Variants in ATP1A4 observed in about 807,000 individuals in gnomAD.
The protein encoded by ATP1A4 is ATPase Na+/K+ transporting subunit alpha 4.
A neutral mutation model predicts 114.3 loss-of-function variants in ATP1A4; 90 were observed. That is an observed-to-expected ratio of 0.79 (90% CI 0.66 to 0.94). The LOEUF is 0.94. ATP1A4 is among the 40% of genes least tolerant of loss of function. ATP1A4 has a pLI of 0.00. For missense variants in ATP1A4, 1,222 were observed against 1,313.6 expected (o/e 0.93, Z 1.08); for synonymous variants, 511 against 494.1 (o/e 1.03, Z -0.45).
chr1:160,168,687 A>G (rs1411929147), intron 10 of ATP1A4, among the ~76,000 whole-genome samples: 1 of 152,148 alleles, frequency 6.6e-6, no homozygotes, highest in African/African-American at 2.4e-5. Flanking sequence ...CCTGGCCTCT[A>G]TATAAATTTT....
In ATP1A4 at chr1:160,171,708, G is replaced by A. The variant is rs766792873; in HGVS notation, c.1805G>A (p.Arg602Gln). ...VGLISMIDPP[R>Q]AAVPDAVSKC... ...CTCATATCCATGATTGACCCTCCCC[G>A]AGCTGCAGTGCCTGATGCTGTGAGC... The change falls in exon 12 of 22, where the codon CGA becomes CAA. Residue 602 changes from arginine (R) to glutamine (Q), a missense_variant. By Grantham distance (43) the Arg-to-Gln change is conservative. Coordinates refer to ENST00000368081, the MANE Select transcript of ATP1A4 (RefSeq NM_144699.4). 29 of 1,614,116 alleles carry A rather than the reference G, an allele frequency of 1.8e-5. No individual in the cohort carries two copies. The highest frequency in any genetic ancestry group is 1.6e-4 in the Middle Eastern group (1 of 6,062).
At chr1:160,159,604 G>T in intron 6 of ATP1A4, 78 bp downstream of exon 6, 1 of 1,293,988 alleles carries the variant, frequency 7.7e-7, no homozygotes, top group Admixed American at 2.1e-5. Context: ...GTCTTCTAAA[G>T]GTAGCGAGGT....
chr1:160,182,038 A>G lies in ATP1A4; in HGVS notation c.2969+7A>G. The G allele has an allele frequency of 6.2e-7, 1 of 1,609,226 alleles. No individual in the cohort carries two copies. The highest frequency in any genetic ancestry group is 2.2e-5 in the East Asian group (1 of 44,856). On this transcript the variant is annotated splice_region_variant and intron_variant, in intron 20 of 21. Coordinates refer to ENST00000368081, the MANE Select transcript of ATP1A4 (RefSeq NM_144699.4). ...TGCGAATGTACCCACTCAAGTGAGT[A>G]AGGGAAGGGATGCAAGCAGGGGATG...
chr1:160,170,896 T>C (rs778364598), intron 10 of ATP1A4: 30 of 182,012 alleles, frequency 1.6e-4, no homozygotes, highest in Non-Finnish European at 2.1e-4. Flanking sequence ...TCCGACTCTT[T>C]TTCTTTCCTG....
At position 160,174,547 on chromosome 1, in the gene ATP1A4, A is replaced by G. The variant is rs1477034179; in HGVS notation, c.2143-32A>G. The stretch of plus-strand genomic sequence containing the variant: ...ACTAGTTCTGGATCTGATGCAATAA[A>G]TTGTTCACTCTCTCTGTCTGGACTT... On this transcript the variant is annotated intron_variant, in intron 14 of 21. Coordinates refer to ENST00000368081, the MANE Select transcript of ATP1A4 (RefSeq NM_144699.4). The G allele has an allele frequency of 1.9e-6, 3 of 1,603,018 alleles. No individual in the cohort carries two copies. The Admixed American group carries it at 5.0e-5, about 27-fold the overall frequency.
chr1:160,168,186 T>C (rs969422197), intron 10 of ATP1A4, among the ~76,000 whole-genome samples: 3 of 152,024 alleles, frequency 2.0e-5, no homozygotes, highest in African/African-American at 4.8e-5. Context: ...AAGGTTATGG[T>C]AGGATGCAGG....
At chr1:160,177,771 A>C in intron 18 of ATP1A4, 107 bp downstream of exon 18, 2 of 1,283,378 alleles carry the variant, frequency 1.6e-6, no homozygotes, top group Middle Eastern at 2.1e-4. Flanking sequence ...GCACCACACA[A>C]ACAGAGCTGA....
At chr1:160,168,254 A>C (rs1653111443) in intron 10 of ATP1A4, among the ~76,000 whole-genome samples, 1 of 152,164 alleles carries the variant, frequency 6.6e-6, no homozygotes, top group Non-Finnish European at 1.5e-5. Context: ...TCCACGGGGC[A>C]ATCATGATTT....
chr1:160,159,047 C>T lies in ATP1A4; in HGVS notation c.571C>T (p.Gln191Ter). 6.2e-7 allele frequency: 1 copy of T among 1,613,962 alleles called. No individual in the cohort carries two copies. Residue 191 changes from glutamine (Q) to a stop codon, truncating the protein, a stop_gained, in exon 5 of 22, where the codon CAA (glutamine) becomes TAA (stop). Transcript: ENST00000368081. LOFTEE classifies it high-confidence loss of function. ...RGGEKMQINVQEVVLGDLVEI... is the reference protein window; with the variant it reads ...RGGEKMQINV ...AGGAGAGAAGATGCAAATTAATGTA[C>T]AAGAGGTGGTGTTGGGAGACCTGGT...
rs111831503 is a variant in ATP1A4, at chr1:160,175,559, A to G, written c.2312-533A>G. Among the ~76,000 whole-genome samples, 1,470 of 152,028 alleles carry G rather than the reference A, an allele frequency of 9.7e-3. 28 individuals carry two copies. Among genetic ancestry groups the G allele is most frequent in the African/African-American group, 0.033 (1,367 of 41,464 alleles). On this transcript the variant is annotated intron_variant, in intron 15 of 21. Coordinates refer to ENST00000368081, the MANE Select transcript of ATP1A4 (RefSeq NM_144699.4). ...ACAAACAATAAAATAATTAAATTAT[A>G]TAGTATGTTAAAAGAAGATAAGTGC...
chr1:160,167,508 A>T, intron 10 of ATP1A4, 96 bp downstream of exon 10: 2 of 1,512,106 alleles, frequency 1.3e-6, no homozygotes, highest in African/African-American at 1.4e-5. Flanking sequence ...TTCACCTCGG[A>T]GAAGCAGAGG....
chr1:160,159,987 G>A (rs1264209841), intron 6 of ATP1A4, among the ~76,000 whole-genome samples: 2 of 152,154 alleles, frequency 1.3e-5, no homozygotes, highest in Non-Finnish European at 1.5e-5. Flanking sequence ...TACCAGAGGT[G>A]CCACTTAGAC....
chr1:160,181,598 G>A (rs1653704505), intron 18 of ATP1A4, 86 bp from the exon 19 acceptor site: 1 of 1,475,892 alleles, frequency 6.8e-7, no homozygotes, highest in South Asian at 1.3e-5. Context: ...TCAGCCCAGG[G>A]GTCCTGGAAG....
chr1:160,167,331 G>A lies in ATP1A4; in HGVS notation c.1410G>A (p.Gln470=). The A allele has an allele frequency of 6.2e-7, 1 of 1,611,274 alleles. No homozygotes were observed. The highest frequency in any genetic ancestry group is 8.5e-7 in the Non-Finnish European group (1 of 1,179,384). ...CAGCCCTCCTCAAGTTCATCGAGCA[G>A]TCTTACAGCTCTGTGGCGGAGATGA... The part of the protein sequence containing the change: ...SESALLKFIE[Q]SYSSVAEMRE... Residue 470 remains glutamine (Q), a synonymous_variant, in exon 10 of 22, where the codon CAG becomes CAA. Transcript: ENST00000368081.
intron 12 of ATP1A4, among the ~76,000 whole-genome samples, chr1:160,173,075 G>A (rs1359909939): frequency 9.2e-5 from 14 of 152,100 alleles, no homozygotes; most frequent in Admixed American, 9.2e-4. Context: ...ATTCATCTTT[G>A]GGTAGAAATG....
At chr1:160,154,399 A>T (rs1652562448) in intron 2 of ATP1A4, among the ~76,000 whole-genome samples, 1 of 152,166 alleles carries the variant, frequency 6.6e-6, no homozygotes, top group Admixed American at 6.5e-5. Flanking sequence ...ATGTAGATGT[A>T]CATATTTATG....
At chr1:160,178,346 ACT>A (rs1441895901) in intron 18 of ATP1A4, among the ~76,000 whole-genome samples, 1 of 144,434 alleles carries the variant, frequency 6.9e-6, no homozygotes, top group African/African-American at 2.7e-5. Context: ...CAAGAGTAAA[ACT>A]CTGTCTCAAA....
rs1203986716 is a variant in ATP1A4, at chr1:160,176,114, G to A, written c.2334G>A (p.Leu778=). The A allele has an allele frequency of 6.2e-7, 1 of 1,614,092 alleles. No homozygotes were observed. The highest frequency in any genetic ancestry group is 1.1e-5 in the South Asian group (1 of 91,076). ...VEEGRLIFDN[L]KKSIMYTLTS... is the part of the protein sequence containing the mutation. ...CAGGCCGCCTGATCTTTGACAACCT[G>A]AAGAAATCCATCATGTACACCCTGA... Residue 778 remains leucine (L), a synonymous_variant, in exon 16 of 22, where the codon CTG becomes CTA. Transcript: ENST00000368081.
At position 160,174,164 on chromosome 1, in the gene ATP1A4, A is replaced by C. The variant is rs748534543; in HGVS notation, c.2045A>C (p.Lys682Thr). The change falls in exon 14 of 22, where the codon AAG (lysine) becomes ACG (threonine). Residue 682 changes from lysine (K) to threonine (T), a missense_variant. Physicochemically the swap from Lys to Thr is moderately conservative, Grantham distance 78 (BLOSUM62 -1). Coordinates refer to ENST00000368081, the MANE Select transcript of ATP1A4 (RefSeq NM_144699.4). ...GCAGAACTGAAGGACATACAGTCCA[A>C]GCAGCTTGATCAGATCCTCCAGAAC... ...HGAELKDIQS[K>T]QLDQILQNHP... 2 of 1,614,200 alleles carry C rather than the reference A, an allele frequency of 1.2e-6. No homozygotes were observed. Among genetic ancestry groups the C allele is most frequent in the Non-Finnish European group, 1.7e-6 (2 of 1,180,046 alleles).
Sources: gnomAD v4.1 joint callset for allele counts (sites outside exome capture counted in the v4.1 genomes callset) on GRCh38, gnomAD v4.1.1 for gene constraint, MANE v1.5 for transcripts, NCBI Gene and HGNC (gene_info 2026-07-23, HGNC 2026-07-21) for gene names.